Variants in DNAH2 observed in about 807,000 individuals in gnomAD.
DNAH2 encodes the protein axonemal beta dynein heavy chain 2.
Under a neutral mutation model 523.5 loss-of-function variants are expected in DNAH2, and 323 were observed. The observed-to-expected ratio is 0.62, with a 90% CI of 0.56 to 0.68. The LOEUF is 0.68. Among genes scored for constraint, DNAH2 ranks in the 30% least tolerant of loss-of-function variants. The pLI is 0.00. For synonymous variants in DNAH2, 2,093 were observed against 2,177.4 expected, an observed-to-expected ratio of 0.96 and a Z score of 1.08; for missense variants, 4,907 against 5,701.5, an observed-to-expected ratio of 0.86 and a Z score of 4.49.
chr17:7,778,492 C>T, intron 35 of DNAH2, 23 bp downstream of exon 35: 3 of 1,582,170 alleles, frequency 1.9e-6, no homozygotes, highest in Non-Finnish European at 2.6e-6. Context: ...CCACCCTGTG[C>T]CAGAAGCCCC....
chr17:7,748,168 C>T (rs186832436), intron 12 of DNAH2, among the ~76,000 whole-genome samples: 2 of 152,300 alleles, frequency 1.3e-5, no homozygotes, highest in Admixed American at 6.5e-5. Context: ...TCACGTTTTA[C>T]GGACAGAACA....
Position 7,819,215 on chromosome 17 carries a change from C to CCGGTA in DNAH2, c.10822_10823insCGGTA (p.Arg3608ProfsTer57), listed in dbSNP as rs758583761. 5 of 1,613,510 alleles carry CCGGTA rather than the reference C, an allele frequency of 3.1e-6. No individual in the cohort carries two copies. The highest frequency in any genetic ancestry group is 4.2e-6 in the Non-Finnish European group (5 of 1,180,050). ...CACCCATCCCCACCGGCAGGCTTAC[C>CCGGTA]GCCCATGCGCCCAGCGGGCATCAAT... is the stretch of plus-strand genomic sequence containing the variant. On this transcript the variant is annotated frameshift_variant, in exon 72 of 86. Transcript: ENST00000572933. LOFTEE classifies it high-confidence loss of function.
In DNAH2 at chr17:7,734,643, T is replaced by A; in HGVS notation, c.913T>A (p.Ser305Thr). 1 of 1,613,072 alleles carries A rather than the reference T, an allele frequency of 6.2e-7. No homozygotes were observed. The highest frequency in any genetic ancestry group is 8.5e-7 in the Non-Finnish European group (1 of 1,179,860). The change falls in exon 7 of 86, where the codon TCC (serine) becomes ACC (threonine). Residue 305 changes from serine (S) to threonine (T), a missense_variant. Around this residue, in one of 3 missense-constraint regions of DNAH2, gnomAD observed 2,806 missense variants for 3,190.8 expected, o/e 0.88. Transcript: ENST00000572933. ...GAAGAAGGGAGTGAAGCACGTTGAA[T>A]CCATCCTGCACCTTGCCAAGTCGTC... is the stretch of plus-strand genomic sequence containing the variant. ...LVKKGVKHVE[S>T]ILHLAKSSYL...
chr17:7,732,434 CAAAAAAAAAAAA>C (rs796065817), intron 4 of DNAH2, among the ~76,000 whole-genome samples: 1 of 54,640 alleles, frequency 1.8e-5, no homozygotes, highest in Non-Finnish European at 3.7e-5. Flanking sequence ...GACTCCATCT[CAAAAAAAAAAAA>C]AAAAAAAAAA....
chr17:7,806,787 T>C (rs760153543), intron 61 of DNAH2, among the ~76,000 whole-genome samples: 2 of 151,328 alleles, frequency 1.3e-5, no homozygotes, highest in Non-Finnish European at 2.9e-5. Context: ...TCCATTCTTG[T>C]GGTTTACTCT....
rs766049719 is a variant in DNAH2 at position 7,787,007 on chromosome 17, G to A, written c.6577G>A (p.Gly2193Ser). 6 of 1,614,154 alleles carry A rather than the reference G, an allele frequency of 3.7e-6. No homozygotes were observed. The highest frequency in any genetic ancestry group is 2.2e-5 in the East Asian group (1 of 44,874). Residue 2193 changes from glycine (G) to serine (S), a missense_variant, in exon 42 of 86, where the codon GGC (glycine) becomes AGC (serine). Physicochemically the swap from Gly to Ser is moderately conservative, Grantham distance 56. Transcript: ENST00000572933. ...TAACAAGGTGTTGACCCTCATCAACGGCGAGCGCATCGCGATGCCCGAGCA... is the reference window on the plus strand; with the variant it reads ...TAACAAGGTGTTGACCCTCATCAACAGCGAGCGCATCGCGATGCCCGAGCA... ...DDNKVLTLIN[G>S]ERIAMPEQVS... is the part of the protein sequence containing the mutation.
intron 28 of DNAH2, among the ~76,000 whole-genome samples, chr17:7,774,012 G>A (rs181377716): frequency 3.3e-5 from 5 of 152,188 alleles, no homozygotes; most frequent in African/African-American, 9.7e-5. Context: ...TTACAGGCAT[G>A]AGCCACTGTG....
Position 7,805,367 on chromosome 17 carries a change from C to A in DNAH2, c.9416C>A (p.Thr3139Lys). The A allele has an allele frequency of 1.9e-6, 3 of 1,614,252 alleles. No homozygotes were observed. Among genetic ancestry groups the A allele is most frequent in the Non-Finnish European group, 2.5e-6 (3 of 1,180,050 alleles). Residue 3139 changes from threonine to lysine, a missense_variant, in exon 61 of 86, where the codon ACA (threonine) becomes AAA (lysine). Around this residue, in one of 3 missense-constraint regions of DNAH2, gnomAD observed 1,851 missense variants for 2,139.4 expected, o/e 0.87. Transcript: ENST00000572933. ...AVMILRGNEP[T>K]WAEAKRQLGE... ...ATGATTCTTCGAGGCAACGAGCCCACATGGGCAGAGGCCAAGAGGCAGCTA... is the reference window on the plus strand; with the variant it reads ...ATGATTCTTCGAGGCAACGAGCCCAAATGGGCAGAGGCCAAGAGGCAGCTA...
intron 2 of DNAH2, among the ~76,000 whole-genome samples, chr17:7,722,489 C>G (rs926179021): frequency 2.0e-5 from 3 of 152,178 alleles, no homozygotes; most frequent in African/African-American, 7.2e-5. Context: ...GAAATTGGCA[C>G]CAGGTGACTC....
intron 56 of DNAH2, 33 bp from the exon 57 acceptor site, chr17:7,801,545 C>T (rs200230673): frequency 1.4e-4 from 229 of 1,612,994 alleles, no homozygotes; most frequent in African/African-American, 1.1e-3. Flanking sequence ...TGTCTGTGCA[C>T]GGAATTTACA....
chr17:7,827,861 T>C (rs1442108444), intron 77 of DNAH2, among the ~76,000 whole-genome samples: 1 of 152,150 alleles, frequency 6.6e-6, no homozygotes, highest in Non-Finnish European at 1.5e-5. Context: ...TCCATATATG[T>C]ATGGGTTTCA....
chr17:7,740,582 G>A (rs756819720), intron 10 of DNAH2, 33 bp downstream of exon 10: 13 of 1,608,296 alleles, frequency 8.1e-6, no homozygotes, highest in Admixed American at 5.0e-5. Context: ...TCGGCTTCCC[G>A]TCCCGCGTGC....
In DNAH2 at chr17:7,823,379, A is replaced by C. The variant is rs893485704; in HGVS notation, c.11143-63A>C. ...AGAGAGAGAGAGAGAGAGGAGAAAA[A>C]GATCACTCTTCTTTTGAAGTATTCC... On this transcript the variant is annotated intron_variant, in intron 73 of 85. Coordinates refer to ENST00000572933, the MANE Select transcript of DNAH2 (RefSeq NM_020877.5). 3.3e-6 allele frequency: 5 copies of C among 1,513,600 alleles called. No individual in the cohort carries two copies. The African/African-American group carries it at 4.2e-5, about 13-fold the overall frequency. The allele number at this position is 1,513,600 out of a possible 1,614,324, so 93.8% of individuals were successfully genotyped here.
intron 7 of DNAH2, 116 bp downstream of exon 7, chr17:7,734,824 C>G: frequency 9.5e-7 from 1 of 1,049,794 alleles, no homozygotes; most frequent in Non-Finnish European, 1.4e-6. Context: ...ACAGACTGAC[C>G]CACCCAGGGT....
At position 7,798,483 on chromosome 17, in the gene DNAH2, TA is replaced by T; in HGVS notation, c.8399-72del. ...TATGCTGCGGGGCGGGGAGGGTTCC[TA>T]AATCTCAGAAAAGGAATCAAGCCCA... On this transcript the variant is annotated intron_variant, in intron 54 of 85. Transcript: ENST00000572933. This position sits in a 1 kb window ranked among gnomAD's most constrained non-coding sequence, Gnocchi z 5.5. 6.3e-7 allele frequency: 1 copy of T among 1,586,522 alleles called. No homozygotes were observed. The highest frequency in any genetic ancestry group is 1.1e-5 in the South Asian group (1 of 87,686).
Position 7,833,469 on chromosome 17 carries a change from G to A in DNAH2, c.13220G>A (p.Gly4407Glu), listed in dbSNP as rs1053578905. 1.2e-6 allele frequency: 2 copies of A among 1,614,144 alleles called. No individual in the cohort carries two copies. Among genetic ancestry groups the A allele is most frequent in the Non-Finnish European group, 1.7e-6 (2 of 1,180,034 alleles). The change falls in exon 86 of 86, where the codon GGG becomes GAG. Residue 4407 changes from glycine to glutamate, a missense_variant. Transcript: ENST00000572933. The part of the protein sequence containing the change: ...SFVIGIDLRS[G>E]AMTPDHWIKR... ...GTCATCGGCATTGACCTGCGGTCTG[G>A]GGCCATGACACCTGATCATTGGATC... is the stretch of plus-strand genomic sequence containing the variant.
At chr17:7,804,781 G>A (rs192935228) in intron 59 of DNAH2, among the ~76,000 whole-genome samples, 177 bp from the exon 60 acceptor site, 37 of 152,170 alleles carry the variant, frequency 2.4e-4, no homozygotes, top group Admixed American at 5.2e-4. Flanking sequence ...TGGGGGCGGA[G>A]GTTGCAGTGA....
chr17:7,720,533 C>T (rs1029700466), intron 2 of DNAH2, among the ~76,000 whole-genome samples: 5 of 152,124 alleles, frequency 3.3e-5, no homozygotes, highest in African/African-American at 1.2e-4. Flanking sequence ...TGAGCCGGAG[C>T]CAGTAAGGTT....
Position 7,743,278 on chromosome 17 carries a change from CT to C in DNAH2, c.1904+146del, listed in dbSNP as rs564117935. The C allele has an allele frequency of 3.7e-3, 3,581 of 958,380 alleles. 9 individuals are homozygous for C. The highest frequency in any genetic ancestry group is 0.011 in the African/African-American group (651 of 60,888). The allele number at this position is 958,380 out of a possible 1,614,324, so 59.4% of individuals were successfully genotyped here. On this transcript the variant is annotated intron_variant, in intron 12 of 85. Coordinates refer to ENST00000572933, the MANE Select transcript of DNAH2 (RefSeq NM_020877.5). ...CAATATGTTTGCTATCGTCATTTTACTTTTTTTTTTCTTCTTTTATTTTTGT... is the reference window on the plus strand; with the variant it reads ...CAATATGTTTGCTATCGTCATTTTACTTTTTTTTTCTTCTTTTATTTTTGT...
Sources: allele counts gnomAD v4.1 joint callset (sites outside exome capture counted in the v4.1 genomes callset), GRCh38; gene constraint gnomAD v4.1.1; regional missense constraint gnomAD v4.1.1; non-coding constraint Gnocchi (gnomAD v3.1); transcripts MANE v1.5; gene names NCBI Gene and HGNC (gene_info 2026-07-23, HGNC 2026-07-21).